The following ADAMTS17 variants were observed in gnomAD, a reference collection of about 807,000 sequenced individuals.
The protein encoded by ADAMTS17 is ADAM metallopeptidase with thrombospondin type 1 motif 17, also known as A disintegrin and metalloproteinase with thrombospondin motifs 17.
ADAMTS17 carries 113 observed loss-of-function variants against 141.5 expected under a neutral mutation model. That is an observed-to-expected ratio of 0.80 (90% CI 0.69 to 0.93). The LOEUF is 0.93. Ranked by LOEUF, ADAMTS17 falls within the 40% of genes least tolerant of loss-of-function variation. ADAMTS17 has a pLI of 0.00. For synonymous variants in ADAMTS17, 768 were observed against 630.6 expected (o/e 1.22, Z -3.27); for missense variants, 1,659 against 1,517.9 (o/e 1.09, Z -1.54).
At chr15:100,083,318 C>G (rs2034876658) in intron 15 of ADAMTS17, among the ~76,000 whole-genome samples, 1 of 152,136 alleles carries the variant, frequency 6.6e-6, no homozygotes, top group Non-Finnish European at 1.5e-5. Context: ...TGGAAGCAGA[C>G]TTTTGTGTTA....
intron 8 of ADAMTS17, among the ~76,000 whole-genome samples, chr15:100,197,374 T>C (rs999991214): frequency 5.9e-5 from 9 of 152,210 alleles, no homozygotes; most frequent in African/African-American, 2.2e-4. Flanking sequence ...TGCATTCTCA[T>C]AATCATTAGG....
chr15:100,298,992 C>G (rs958642278), intron 3 of ADAMTS17, among the ~76,000 whole-genome samples: 5 of 152,194 alleles, frequency 3.3e-5, no homozygotes, highest in African/African-American at 1.2e-4. Flanking sequence ...TGGCTGTCAC[C>G]TTCCTGTCCT....
chr15:100,163,102 CTATAGG>C (rs1372592746), intron 8 of ADAMTS17, among the ~76,000 whole-genome samples: 1 of 150,684 alleles, frequency 6.6e-6, no homozygotes, highest in Non-Finnish European at 1.5e-5. Context: ...ATATAGTTCT[CTATAGG>C]TATATAGGAC....
intron 8 of ADAMTS17, among the ~76,000 whole-genome samples, chr15:100,173,142 A>G (rs1237949732): frequency 6.6e-6 from 1 of 152,208 alleles, no homozygotes; most frequent in Non-Finnish European, 1.5e-5. Flanking sequence ...GAACTCTTGC[A>G]CTATTTTAAC....
chr15:100,155,787 A>G (rs1156991940), intron 8 of ADAMTS17, among the ~76,000 whole-genome samples: 2 of 152,328 alleles, frequency 1.3e-5, no homozygotes, highest in African/African-American at 4.8e-5. Flanking sequence ...CTTCCAACTC[A>G]TTACAGAGTA....
At chr15:100,084,730 C>G (rs977754303) in intron 15 of ADAMTS17, among the ~76,000 whole-genome samples, 1 of 152,204 alleles carries the variant, frequency 6.6e-6, no homozygotes. Flanking sequence ...CCCAGGCAAA[C>G]AGGGTCTGCA....
intron 7 of ADAMTS17, among the ~76,000 whole-genome samples, chr15:100,243,360 T>A (rs980114497): frequency 1.3e-5 from 2 of 152,220 alleles, no homozygotes; most frequent in African/African-American, 4.8e-5. Context: ...AGTTCCTGAA[T>A]CATATTTTTT....
chr15:100,068,847 T>G (rs559418425), intron 15 of ADAMTS17, among the ~76,000 whole-genome samples: 2 of 152,058 alleles, frequency 1.3e-5, no homozygotes, highest in Non-Finnish European at 2.9e-5. Flanking sequence ...AGAGCACCTC[T>G]CCTCCTCCAA....
chr15:100,341,682 G>A, intron 1 of ADAMTS17, 139 bp downstream of exon 1: 1 of 1,141,952 alleles, frequency 8.8e-7, no homozygotes, highest in South Asian at 2.0e-5. Flanking sequence ...CCCGTACTCC[G>A]GCCGCGGCCC....
At chr15:100,144,268 G>A (rs756392695) in intron 10 of ADAMTS17, among the ~76,000 whole-genome samples, 6 of 152,218 alleles carry the variant, frequency 3.9e-5, no homozygotes, top group Non-Finnish European at 5.9e-5. Context: ...CTGTGATTCC[G>A]TGGCTGGGCG....
intron 3 of ADAMTS17, among the ~76,000 whole-genome samples, chr15:100,313,727 G>C (rs374606229): frequency 2.0e-5 from 3 of 151,922 alleles, no homozygotes; most frequent in South Asian, 4.2e-4. Flanking sequence ...CACCCCAAAT[G>C]TCACCATGAA....
intron 15 of ADAMTS17, among the ~76,000 whole-genome samples, chr15:100,093,009 A>G (rs1042658055): frequency 6.6e-6 from 1 of 152,248 alleles, no homozygotes; most frequent in Non-Finnish European, 1.5e-5. Flanking sequence ...AGCTGTCTTG[A>G]GCCAGCCCAA....
rs757883707 is a variant in ADAMTS17, at chr15:99,974,453, G to C, written c.3237C>G (p.Thr1079=). The C allele has an allele frequency of 1.9e-6, 3 of 1,614,120 alleles. No homozygotes were observed. Among genetic ancestry groups the C allele is most frequent in the Non-Finnish European group, 2.5e-6 (3 of 1,180,054 alleles). ...TCTTGTTTGCATAGAAGTCCCTGCAGGTCTGGCAGCAGCGCTGGTACCACC... is the reference window on the plus strand; with the variant it reads ...TCTTGTTTGCATAGAAGTCCCTGCACGTCTGGCAGCAGCGCTGGTACCACC... ...DMRWYQRCCQ[T]CRDFYANKMR... Residue 1079 remains threonine, a synonymous_variant, in exon 22 of 22, where the codon ACC becomes ACG. Coordinates refer to ENST00000268070, the MANE Select transcript of ADAMTS17 (RefSeq NM_139057.4).
intron 3 of ADAMTS17, among the ~76,000 whole-genome samples, chr15:100,304,019 C>T (rs568032434): frequency 1.1e-4 from 16 of 152,222 alleles, no homozygotes; most frequent in Admixed American, 2.0e-4. Flanking sequence ...CCGCCGCACC[C>T]GGCCTTAATC....
chr15:100,055,847 A>G (rs2032520863), intron 15 of ADAMTS17, among the ~76,000 whole-genome samples: 1 of 152,194 alleles, frequency 6.6e-6, no homozygotes. Flanking sequence ...CAACCCTCTG[A>G]ATTATTGTCA....
At chr15:99,977,473 G>A (rs151226428) in intron 20 of ADAMTS17, among the ~76,000 whole-genome samples, 2,778 of 134,436 alleles carry the variant, frequency 0.021, 122 homozygotes, top group African/African-American at 0.077. Flanking sequence ...GTGCAGTGGC[G>A]CAATCTCGGC....
intron 3 of ADAMTS17, among the ~76,000 whole-genome samples, chr15:100,301,882 T>G (rs2045052699): frequency 6.6e-6 from 1 of 152,244 alleles, no homozygotes; most frequent in South Asian, 2.1e-4. Flanking sequence ...CATCCTAATT[T>G]ATGTTTTACA....
chr15:100,004,199 C>T (rs549286654), intron 18 of ADAMTS17, among the ~76,000 whole-genome samples: 3 of 152,322 alleles, frequency 2.0e-5, no homozygotes, highest in South Asian at 4.1e-4. Flanking sequence ...GAGCCGTCTA[C>T]GGGGGTTGCT....
At chr15:100,077,283 CAAAAAAAAA>C (rs71151934) in intron 15 of ADAMTS17, among the ~76,000 whole-genome samples, 797 of 54,632 alleles carry the variant, frequency 0.015, 20 homozygotes, top group African/African-American at 0.046. Flanking sequence ...ATCTCTACCA[CAAAAAAAAA>C]AAAAAAAAAA....
Sources: gnomAD v4.1 joint callset for allele counts (sites outside exome capture counted in the v4.1 genomes callset) on GRCh38, gnomAD v4.1.1 for gene constraint, MANE v1.5 for transcripts, NCBI Gene and HGNC (gene_info 2026-07-23, HGNC 2026-07-21) for gene names.